The following MYBPHL variants were observed in gnomAD, a reference collection of about 807,000 sequenced individuals.
MYBPHL encodes the protein myosin-binding protein H-like.
MYBPHL carries 32 observed loss-of-function variants against 39.5 expected under a neutral mutation model. The observed-to-expected ratio is 0.81, with a 90% CI of 0.61 to 1.09. MYBPHL has a LOEUF of 1.09. Among genes scored for constraint, MYBPHL ranks in the 50% least tolerant of loss-of-function variants. MYBPHL has a pLI of 0.00. For missense variants in MYBPHL, 456 were observed against 460.2 expected (o/e 0.99, Z 0.08); for synonymous variants, 196 against 183.7 (o/e 1.07, Z -0.54).
chr1:109,295,472 A>G (rs1467264037), intron 6 of MYBPHL, among the ~76,000 whole-genome samples, 175 bp from the exon 7 acceptor site: 1 of 152,174 alleles, frequency 6.6e-6, no homozygotes, highest in Admixed American at 6.5e-5. Flanking sequence ...CAGTCCCCCA[A>G]GCTCCTTCTC....
At chr1:109,294,371 G>A in intron 7 of MYBPHL, 122 bp from the exon 8 acceptor site, 1 of 871,462 alleles carries the variant, frequency 1.1e-6, no homozygotes, top group Non-Finnish European at 1.9e-6. Context: ...TGCTAATTAG[G>A]TAGTCTATAC....
intron 6 of MYBPHL, among the ~76,000 whole-genome samples, chr1:109,295,850 A>G: frequency 6.6e-6 from 1 of 152,198 alleles, no homozygotes; most frequent in East Asian, 1.9e-4. Context: ...AGCCTTGCTC[A>G]GGGTTGTGGC....
chr1:109,294,571 A>G (rs1027885990), intron 7 of MYBPHL, among the ~76,000 whole-genome samples: 5 of 152,254 alleles, frequency 3.3e-5, no homozygotes, highest in Non-Finnish European at 5.9e-5. Flanking sequence ...ATTATAAAAC[A>G]GTATGTTAAA....
At chr1:109,296,690 T>C (rs1658077746) in intron 5 of MYBPHL, 93 bp downstream of exon 5, 2 of 1,467,248 alleles carry the variant, frequency 1.4e-6, no homozygotes, top group Non-Finnish European at 1.9e-6. Context: ...CCGCCTGCCT[T>C]GGCCTCCCAA....
chr1:109,296,086 G>T, intron 6 of MYBPHL, 148 bp downstream of exon 6: 1 of 951,162 alleles, frequency 1.1e-6, no homozygotes, highest in Non-Finnish European at 1.5e-6. Context: ...GCACCCCCCC[G>T]ACTGTTCCTA....
At chr1:109,297,396 C>G (rs377627070) in intron 3 of MYBPHL, 26 bp downstream of exon 3, 3 of 1,599,614 alleles carry the variant, frequency 1.9e-6, no homozygotes. Context: ...TGAGGACCCC[C>G]CCATCTCCCA....
rs746828107 is a variant in MYBPHL, at chr1:109,297,571, A to G, written c.281T>C (p.Leu94Ser). 6.8e-6 allele frequency: 11 copies of G among 1,613,740 alleles called. No homozygotes were observed. The highest frequency in any genetic ancestry group is 5.1e-6 in the Non-Finnish European group (6 of 1,180,034). Residue 94 changes from leucine (L) to serine (S), a missense_variant, in exon 3 of 9, where the codon TTG becomes TCG. Transcript: ENST00000357155. Reference protein sequence around the residue: ...QAIWTHDGCALDTRRVSVRNG... With the variant: ...QAIWTHDGCASDTRRVSVRNG... ...CCGCACACTCACACGCCTGGTGTCC[A>G]AGGCACAGCCATCATGTGTCCAGAT...
At position 109,297,556 on chromosome 1, in the gene MYBPHL, A is replaced by G. The variant is rs1278704400; in HGVS notation, c.296T>C (p.Val99Ala). 9 of 1,613,818 alleles carry G rather than the reference A, an allele frequency of 5.6e-6. No homozygotes were observed. The highest frequency in any genetic ancestry group is 5.9e-6 in the Non-Finnish European group (7 of 1,179,996). The change falls in exon 3 of 9, where the codon GTG (valine) becomes GCG (alanine). Residue 99 changes from valine (V) to alanine (A), a missense_variant. Coordinates refer to ENST00000357155, the MANE Select transcript of MYBPHL (RefSeq NM_001010985.3). ...GTCTTGCTCCCCATTCCGCACACTC[A>G]CACGCCTGGTGTCCAAGGCACAGCC... ...HDGCALDTRR[V>A]SVRNGEQDSI...
In MYBPHL at chr1:109,297,044, C is replaced by G; in HGVS notation, c.570+6G>C. On this transcript the variant is annotated splice_donor_region_variant and intron_variant, in intron 4 of 8. Transcript: ENST00000357155. ...TCCACCCTCCTTCCTTCCCAGCTGG[C>G]CTCACCCCGGATTTTGTGTCAGCCT... The G allele has an allele frequency of 6.2e-7, 1 of 1,614,140 alleles. No individual in the cohort carries two copies. The highest frequency in any genetic ancestry group is 1.1e-5 in the South Asian group (1 of 91,076).
intron 5 of MYBPHL, 72 bp from the exon 6 acceptor site, chr1:109,296,442 T>C: frequency 5.5e-6 from 1 of 182,236 alleles, no homozygotes; most frequent in Non-Finnish European, 9.0e-6. Context: ...ATCCTTAGTA[T>C]TTTTTTTTTT....
intron 6 of MYBPHL, among the ~76,000 whole-genome samples, chr1:109,295,883 T>C (rs535025060): frequency 1.6e-4 from 25 of 152,294 alleles, no homozygotes; most frequent in South Asian, 4.1e-4. Context: ...TCTAGGCAGG[T>C]TGCATGTGCA....
rs986151299 is a variant in MYBPHL at position 109,295,111 on chromosome 1, C to T, written c.1054G>A (p.Val352Ile). ...ASVDCRVDVK[V>I]PN is the part of the protein sequence containing the mutation. ...GCACTAGTTCTCCTCTTGCCCTTAC[C>T]TTTCACATCCACCCGACAGTCCACA... Residue 352 changes from valine (V) to isoleucine (I), a missense_variant and splice_region_variant, in exon 7 of 9, where the codon GTT (valine) becomes ATT (isoleucine). Physicochemically the swap from Val to Ile is conservative, Grantham distance 29 (BLOSUM62 3). Coordinates refer to ENST00000357155, the MANE Select transcript of MYBPHL (RefSeq NM_001010985.3). 10 of 1,612,704 alleles carry T rather than the reference C, an allele frequency of 6.2e-6. No individual in the cohort carries two copies. In the African/African-American group the frequency reaches 1.3e-4, roughly 22 times the overall value.
intron 1 of MYBPHL, among the ~76,000 whole-genome samples, chr1:109,302,493 C>T (rs780586321): frequency 2.2e-4 from 34 of 151,554 alleles, no homozygotes; most frequent in Non-Finnish European, 3.2e-4. Context: ...CACCCCACCC[C>T]GTCCCTATGT....
intron 8 of MYBPHL, among the ~76,000 whole-genome samples, chr1:109,293,726 C>T (rs914177891): frequency 3.6e-5 from 5 of 138,018 alleles, no homozygotes; most frequent in East Asian, 2.3e-4. Context: ...GGCGACAAAG[C>T]GAGACTCTGT....
chr1:109,300,483 G>T (rs766649521), intron 1 of MYBPHL, among the ~76,000 whole-genome samples: 1 of 152,198 alleles, frequency 6.6e-6, no homozygotes, highest in Non-Finnish European at 1.5e-5. Flanking sequence ...AGAAGTGCCC[G>T]CTGAGCCCCG....
At chr1:109,297,712 G>T in intron 2 of MYBPHL, 95 bp from the exon 3 acceptor site, 1 of 1,147,600 alleles carries the variant, frequency 8.7e-7, no homozygotes. Context: ...TCCACAGGGA[G>T]GCTTGACTTG....
Position 109,296,279 on chromosome 1 carries a change from G to A in MYBPHL, c.822C>T (p.Thr274=), listed in dbSNP as rs769849732. 27 of 1,614,056 alleles carry A rather than the reference G, an allele frequency of 1.7e-5. No homozygotes were observed. Among genetic ancestry groups the A allele is most frequent in the African/African-American group, 8.0e-5 (6 of 74,998 alleles). Residue 274 remains threonine (T), a synonymous_variant, in exon 6 of 9, where the codon ACC becomes ACT. Coordinates refer to ENST00000357155, the MANE Select transcript of MYBPHL (RefSeq NM_001010985.3). ...AGCAGAAGAGCTGGGTATTATAGCC[G>A]GTGACTGTAGTGCAGTCGGCCAGAG... ...TQPLADCTTV[T]GYNTQLFCCV... is the part of the protein sequence containing the mutation.
At position 109,296,237 on chromosome 1, in the gene MYBPHL, G is replaced by A. The variant is rs1658054809; in HGVS notation, c.864C>T (p.Pro288=). The A allele has an allele frequency of 3.1e-6, 5 of 1,613,284 alleles. No homozygotes were observed. The highest frequency in any genetic ancestry group is 3.3e-5 in the Admixed American group (2 of 59,954). ...TQLFCCVRAS[P]RPKIIWLKNK... ...GCCCCCCAGAGCCCCCACTCACCCG[G>A]GGAGAGGCGCGGACACAGCAGAAGA... The change falls in exon 6 of 9, where the codon CCC becomes CCT. Residue 288 remains proline (P), a synonymous_variant. Transcript: ENST00000357155.
intron 1 of MYBPHL, among the ~76,000 whole-genome samples, chr1:109,300,731 G>A (rs1658246772): frequency 6.6e-6 from 1 of 152,168 alleles, no homozygotes; most frequent in Non-Finnish European, 1.5e-5. Flanking sequence ...GATCCTGGCT[G>A]GGCAGAGAGC....
Sources: allele counts gnomAD v4.1 joint callset (sites outside exome capture counted in the v4.1 genomes callset), GRCh38; gene constraint gnomAD v4.1.1; transcripts MANE v1.5; gene names NCBI Gene and HGNC (gene_info 2026-07-23, HGNC 2026-07-21).